The following CNGA1 variants were observed in gnomAD, a reference collection of about 807,000 sequenced individuals.
CNGA1 encodes the protein cyclic nucleotide-gated channel alpha-1.
A neutral mutation model predicts 69.7 loss-of-function variants in CNGA1; 53 were observed. The ratio of observed to expected loss-of-function variants is 0.76; its 90% confidence interval spans 0.61 to 0.96. CNGA1 has a LOEUF of 0.96. Ranked by LOEUF, CNGA1 falls within the 40% of genes least tolerant of loss-of-function variation. The pLI, the probability that CNGA1 is intolerant of heterozygous loss-of-function variation, is 0.00. For synonymous variants in CNGA1, 249 were observed against 283.5 expected, an observed-to-expected ratio of 0.88 and a Z score of 1.22; for missense variants, 739 against 811.2, an observed-to-expected ratio of 0.91 and a Z score of 1.08.
chr4:47,987,099 G>A (rs1742010159), intron 2 of CNGA1, among the ~76,000 whole-genome samples: 1 of 136,712 alleles, frequency 7.3e-6, no homozygotes, highest in South Asian at 2.3e-4. Flanking sequence ...CAGTAACCTT[G>A]ACTGATAGAA....
At chr4:47,989,396 C>A (rs1252737308) in intron 2 of CNGA1, among the ~76,000 whole-genome samples, 1 of 152,056 alleles carries the variant, frequency 6.6e-6, no homozygotes, top group Non-Finnish European at 1.5e-5. Context: ...AATCACTGAA[C>A]AAGTAAATAA....
chr4:48,012,558 C>CTTTTTTTTTTTTTT (rs528643370), intron 1 of CNGA1, among the ~76,000 whole-genome samples: 5 of 64,954 alleles, frequency 7.7e-5, no homozygotes, highest in African/African-American at 3.3e-4. Context: ...ACCACACCAT[C>CTTTTTTTTTTTTTT]TTTTTTTTTT....
chr4:48,001,589 T>C (rs1714666557), intron 2 of CNGA1, among the ~76,000 whole-genome samples: 1 of 152,202 alleles, frequency 6.6e-6, no homozygotes, highest in Non-Finnish European at 1.5e-5. Flanking sequence ...GTCTATTAAT[T>C]AAGGAGACAT....
chr4:47,958,518 A>G (rs989361175), intron 3 of CNGA1, among the ~76,000 whole-genome samples: 1 of 152,066 alleles, frequency 6.6e-6, no homozygotes, highest in East Asian at 1.9e-4. Flanking sequence ...GCTACTTGGG[A>G]GACTGAGGCA....
intron 2 of CNGA1, among the ~76,000 whole-genome samples, chr4:47,986,064 TG>T (rs1235980385): frequency 6.6e-6 from 1 of 152,214 alleles, no homozygotes; most frequent in Non-Finnish European, 1.5e-5. Context: ...AGGGCTTAAC[TG>T]TACCCATTAT....
intron 2 of CNGA1, among the ~76,000 whole-genome samples, chr4:47,997,750 G>A (rs1167494143): frequency 1.3e-5 from 2 of 152,038 alleles, no homozygotes; most frequent in Admixed American, 6.6e-5. Flanking sequence ...ACTTTGCATT[G>A]TCTCAACACA....
intron 8 of CNGA1, among the ~76,000 whole-genome samples, chr4:47,942,731 G>T (rs1169464098): frequency 1.3e-5 from 2 of 152,176 alleles, no homozygotes; most frequent in Non-Finnish European, 2.9e-5. Flanking sequence ...TCTCATAGGA[G>T]CACAAACCTT....
intron 9 of CNGA1, among the ~76,000 whole-genome samples, chr4:47,941,382 C>G (rs1010528093): frequency 1.3e-5 from 2 of 152,066 alleles, no homozygotes; most frequent in Non-Finnish European, 2.9e-5. Context: ...TGAAACACAT[C>G]GATCACCAGG....
intron 2 of CNGA1, among the ~76,000 whole-genome samples, chr4:47,984,180 G>C (rs1332222713): frequency 1.3e-5 from 2 of 152,092 alleles, no homozygotes; most frequent in African/African-American, 2.4e-5. Flanking sequence ...TGATAGCAAA[G>C]AATTCTTCTA....
intron 3 of CNGA1, among the ~76,000 whole-genome samples, chr4:47,954,448 G>GC (rs1415476636): frequency 7.2e-5 from 11 of 152,196 alleles, no homozygotes; most frequent in Admixed American, 6.5e-4. Context: ...CCGTCTGCGT[G>GC]CTCCCCCTTC....
chr4:47,987,527 T>G (rs1742026863), intron 2 of CNGA1, among the ~76,000 whole-genome samples: 1 of 152,238 alleles, frequency 6.6e-6, no homozygotes, highest in Admixed American at 6.5e-5. Flanking sequence ...TTTGATACTA[T>G]GCATAGTCAT....
chr4:47,969,546 T>A (rs1740906302), intron 3 of CNGA1, among the ~76,000 whole-genome samples: 1 of 152,116 alleles, frequency 6.6e-6, no homozygotes, highest in Non-Finnish European at 1.5e-5. Flanking sequence ...CTCGGCTCAC[T>A]GCAACCTCCA....
At chr4:47,988,217 A>C (rs895596457) in intron 2 of CNGA1, among the ~76,000 whole-genome samples, 1 of 152,186 alleles carries the variant, frequency 6.6e-6, no homozygotes, top group Non-Finnish European at 1.5e-5. Context: ...ACTAAAAAAG[A>C]GGTTGCAATT....
Position 47,936,312 on chromosome 4 carries a change from G to A in CNGA1, c.*109C>T, listed in dbSNP as rs1738634129. 1.6e-6 allele frequency: 2 copies of A among 1,250,620 alleles called. No homozygotes were observed. The highest frequency in any genetic ancestry group is 2.5e-5 in the South Asian group (2 of 80,378). The allele number at this position is 1,250,620 out of a possible 1,614,324, so 77.5% of individuals were successfully genotyped here. A position where few individuals can be genotyped will look rare whatever the true frequency, so the allele number is the denominator to read the frequency against. On this transcript the variant is annotated 3_prime_UTR_variant, in exon 11 of 11. Coordinates refer to ENST00000514170, the MANE Select transcript of CNGA1 (RefSeq NM_001379270.1). ...TGCACCAAAGCACATTTTCCTCATG[G>A]AAAAATTTCCCAACTGAGTCTTCCT...
chr4:47,972,232 A>G (rs969936160), intron 3 of CNGA1, among the ~76,000 whole-genome samples: 11 of 152,216 alleles, frequency 7.2e-5, no homozygotes, highest in African/African-American at 2.7e-4. Flanking sequence ...CTATAAATAC[A>G]TAATATTTTG....
Position 47,954,540 on chromosome 4 carries a change from G to A in CNGA1, c.-14-1837C>T, listed in dbSNP as rs143705682. ...GCCGCACGTCCTGCAAGGGGAATCA[G>A]AAAACCTTCCCATTTTATAACCACA... On this transcript the variant is annotated intron_variant, in intron 3 of 10. Coordinates refer to ENST00000514170, the MANE Select transcript of CNGA1 (RefSeq NM_001379270.1). 1.2e-4 allele frequency among the ~76,000 whole-genome samples: 18 copies of A among 152,332 alleles called. No individual in the cohort carries two copies. In the East Asian group the frequency reaches 3.3e-3, roughly 28 times the overall value.
At position 47,964,460 on chromosome 4, in the gene CNGA1, T is replaced by C. The variant is rs1740619905; in HGVS notation, c.-14-11757A>G. On this transcript the variant is annotated intron_variant, in intron 3 of 10. Coordinates refer to ENST00000514170, the MANE Select transcript of CNGA1 (RefSeq NM_001379270.1). ...ATTAATCACTTTTAAACATACATAA[T>C]CACTTTTAAAAATAGAAATTATAAA... Among the ~76,000 whole-genome samples the C allele has an allele frequency of 2.0e-5, 3 of 152,060 alleles. 1 individual carries two copies. The highest frequency in any genetic ancestry group is 2.0e-4 in the Admixed American group (3 of 15,264).
At chr4:47,982,805 A>T (rs973840993) in intron 2 of CNGA1, among the ~76,000 whole-genome samples, 1 of 152,116 alleles carries the variant, frequency 6.6e-6, no homozygotes, top group African/African-American at 2.4e-5. Flanking sequence ...ACATTTCAAA[A>T]TGAACATTCT....
In CNGA1 at chr4:48,010,326, T is replaced by C. The variant is rs149858162; in HGVS notation, c.-123+468A>G. On this transcript the variant is annotated intron_variant, in intron 2 of 10. Transcript: ENST00000514170. ...TCTGGGCAGAGCCCACACTGAATCCTGGGTCTTCAAAAAGAGAATTATTTT... is the reference window on the plus strand; with the variant it reads ...TCTGGGCAGAGCCCACACTGAATCCCGGGTCTTCAAAAAGAGAATTATTTT... Among the ~76,000 whole-genome samples, 633 of 152,356 alleles carry C rather than the reference T, an allele frequency of 4.2e-3. 2 individuals are homozygous for C. The highest frequency in any genetic ancestry group is 0.014 in the African/African-American group (578 of 41,584).
Sources: allele counts gnomAD v4.1 joint callset (sites outside exome capture counted in the v4.1 genomes callset), GRCh38; gene constraint gnomAD v4.1.1; transcripts MANE v1.5; gene names NCBI Gene and HGNC (gene_info 2026-07-23, HGNC 2026-07-21).